The following BEND3 variants were observed in gnomAD, a reference collection of about 807,000 sequenced individuals.
BEND3 encodes BEN domain containing 3.
A neutral mutation model predicts 60.1 loss-of-function variants in BEND3; 13 were observed. The ratio of observed to expected loss-of-function variants is 0.22; its 90% CI spans 0.14 to 0.34. The LOEUF (loss-of-function observed/expected upper bound fraction) is 0.34. Among genes scored for constraint, BEND3 ranks in the 10% least tolerant of loss-of-function variants. The pLI, the probability that BEND3 is intolerant of heterozygous loss-of-function variation, is 1.00. For missense variants in BEND3, 896 were observed against 1,138.1 expected (o/e 0.79, Z 3.06); for synonymous variants, 497 against 491.5 (o/e 1.01, Z -0.15).
In BEND3 at chr6:107,069,899, T is replaced by C. The variant is rs1774928945; in HGVS notation, c.1292A>G (p.Gln431Arg). ...ELFDHRKLGE[Q>R]YSCYGDGGKQ... ...TCCACCGTCCCCGTAGCAGCTGTACTGTTCACCCAGCTTGCGGTGGTCGAA... is the reference window on the plus strand; with the variant it reads ...TCCACCGTCCCCGTAGCAGCTGTACCGTTCACCCAGCTTGCGGTGGTCGAA... Residue 431 changes from glutamine (Q) to arginine (R), a missense_variant, in exon 4 of 4, where the codon CAG (glutamine) becomes CGG (arginine). Physicochemically the swap from Gln to Arg is conservative, Grantham distance 43. Coordinates refer to ENST00000369042, the MANE Select transcript of BEND3 (RefSeq NM_001367314.1). 1.9e-6 allele frequency: 3 copies of C among 1,613,758 alleles called. No individual in the cohort carries two copies. The highest frequency in any genetic ancestry group is 1.7e-5 in the Admixed American group (1 of 59,992).
At chr6:107,073,236 T>C (rs1775026495) in intron 3 of BEND3, among the ~76,000 whole-genome samples, 1 of 18,974 alleles carries the variant, frequency 5.3e-5, no homozygotes, top group African/African-American at 1.2e-4. Context: ...TATATATATA[T>C]ATATATATAT....
chr6:107,113,462 A>C (rs972563244), intron 1 of BEND3, among the ~76,000 whole-genome samples: 33 of 144,066 alleles, frequency 2.3e-4, no homozygotes, highest in African/African-American at 6.5e-4. Context: ...AACAAAAAAA[A>C]AACTCATGTT....
At chr6:107,081,671 T>A (rs1554233574) in intron 3 of BEND3, among the ~76,000 whole-genome samples, 1 of 152,162 alleles carries the variant, frequency 6.6e-6, no homozygotes, top group Non-Finnish European at 1.5e-5. Context: ...CGCCAATGCA[T>A]TTTTGGTTTT....
chr6:107,082,092 G>T (rs528864082), intron 3 of BEND3, among the ~76,000 whole-genome samples: 1 of 152,218 alleles, frequency 6.6e-6, no homozygotes, highest in South Asian at 2.1e-4. Context: ...ATCAACAGGA[G>T]ACAGAGTCTA....
chr6:107,078,493 C>T lies in BEND3; in HGVS notation c.241-7543G>A, dbSNP rs118140836. Among the ~76,000 whole-genome samples, 490 of 148,164 alleles carry T rather than the reference C, an allele frequency of 3.3e-3. 11 individuals carry two copies. In the East Asian group the frequency reaches 0.055, roughly 17 times the overall value. On this transcript the variant is annotated intron_variant, in intron 3 of 3. Coordinates refer to ENST00000369042, the MANE Select transcript of BEND3 (RefSeq NM_001367314.1). ...TCTTTTTGAGACAGAGTCTCACTGT[C>T]ACCCAGGCTGGAGTGCAGTGGTGCA... is the stretch of plus-strand genomic sequence containing the variant.
Position 107,098,713 on chromosome 6 carries a change from T to G in BEND3, c.78A>C (p.Glu26Asp), listed in dbSNP as rs542557786. Residue 26 changes from glutamate (E) to aspartate (D), a missense_variant, in exon 3 of 4, where the codon GAA (glutamate) becomes GAC (aspartate). Coordinates refer to ENST00000369042, the MANE Select transcript of BEND3 (RefSeq NM_001367314.1). Reference sequence around the variant, plus strand: ...TCACGGAGCAGTCCAGAGCAGCATCTTCAGCCTCTGTCTCCACTTTCACAG... The same window carrying G: ...TCACGGAGCAGTCCAGAGCAGCATCGTCAGCCTCTGTCTCCACTTTCACAG... ...SITVKVETEAEDAALDCSVNS... is the reference protein window; with the variant it reads ...SITVKVETEADDAALDCSVNS... 1.4e-5 allele frequency: 23 copies of G among 1,614,132 alleles called. No homozygotes were observed. In the South Asian group the frequency reaches 2.3e-4, roughly 16 times the overall value.
In BEND3 at chr6:107,069,988, C is replaced by A; in HGVS notation, c.1203G>T (p.Leu401=). 1 of 1,613,734 alleles carries A rather than the reference C, an allele frequency of 6.2e-7. No individual in the cohort carries two copies. The highest frequency in any genetic ancestry group is 8.5e-7 in the Non-Finnish European group (1 of 1,180,002). ...ACTCGCCTGGTGAGGAGGCTTCGTC[C>A]AGGAACTCAGTGAGGTCCTGCGTGT... ...VVDTQDLTEF[L]DEASSPGEFA... The change falls in exon 4 of 4, where the codon CTG becomes CTT. Residue 401 remains leucine, a synonymous_variant. Transcript: ENST00000369042.
chr6:107,088,007 C>CTT (rs374298071), intron 3 of BEND3, among the ~76,000 whole-genome samples: 58 of 130,302 alleles, frequency 4.5e-4, no homozygotes, highest in South Asian at 1.8e-3. Flanking sequence ...ATGAAGAGCC[C>CTT]TTTTTTTTTT....
Position 107,099,324 on chromosome 6 carries a change from T to C in BEND3, c.-11-28A>G, listed in dbSNP as rs375418342. On this transcript the variant is annotated intron_variant, in intron 1 of 3. Coordinates refer to ENST00000369042, the MANE Select transcript of BEND3 (RefSeq NM_001367314.1). ...AAATAAAAAGACAAAGACAATGTGTTGACTTATTGCTTGATTTATTTCTTA... is the reference window on the plus strand; with the variant it reads ...AAATAAAAAGACAAAGACAATGTGTCGACTTATTGCTTGATTTATTTCTTA... 31 of 1,573,810 alleles carry C rather than the reference T, an allele frequency of 2.0e-5. No homozygotes were observed. The African/African-American group carries it at 3.5e-4, about 18-fold the overall frequency.
At chr6:107,080,375 A>AC in intron 3 of BEND3, among the ~76,000 whole-genome samples, 1 of 140,446 alleles carries the variant, frequency 7.1e-6, no homozygotes, top group Non-Finnish European at 1.5e-5. Context: ...AAAAAAAAAA[A>AC]AACAAAAAAC....
chr6:107,078,230 G>C (rs1297985943), intron 3 of BEND3, among the ~76,000 whole-genome samples: 1 of 152,090 alleles, frequency 6.6e-6, no homozygotes, highest in African/African-American at 2.4e-5. Flanking sequence ...CATGCTGTTA[G>C]CATCAGGGCT....
intron 3 of BEND3, among the ~76,000 whole-genome samples, chr6:107,076,683 G>A (rs1046988791): frequency 5.3e-5 from 8 of 152,280 alleles, no homozygotes; most frequent in Non-Finnish European, 1.0e-4. Flanking sequence ...GAGTCAGCAC[G>A]CTGGAACACT....
chr6:107,066,253 A>T lies in BEND3; in HGVS notation c.*2451T>A, dbSNP rs560818103. The T allele has an allele frequency of 1.3e-5, 2 of 152,346 alleles. No homozygotes were observed. The highest frequency in any genetic ancestry group is 3.9e-4 in the East Asian group (2 of 5,188). The allele number at this position is 152,346 out of a possible 1,614,324, so 9.4% of individuals were successfully genotyped here. ...TATTGCTTCATGTAAAAAATTTAAA[A>T]TAAAAAAATGCCCACTGGAGCCACC... On this transcript the variant is annotated 3_prime_UTR_variant, in exon 4 of 4. Transcript: ENST00000369042.
At chr6:107,105,020 G>T (rs1775783144) in intron 1 of BEND3, among the ~76,000 whole-genome samples, 1 of 152,098 alleles carries the variant, frequency 6.6e-6, no homozygotes, top group African/African-American at 2.4e-5. Context: ...ATGTGGCGGG[G>T]CTGACTGTAC....
chr6:107,114,955 G>GC (rs1223633142), intron 1 of BEND3, 135 bp downstream of exon 1: 7 of 146,108 alleles, frequency 4.8e-5, no homozygotes, highest in African/African-American at 1.2e-4. Context: ...GCTCGGAGCA[G>GC]CCCCCCTCCG....
rs549910261 is a variant in BEND3 at position 107,113,669 on chromosome 6, G to T, written c.-12+1421C>A. 9.0e-4 allele frequency among the ~76,000 whole-genome samples: 137 copies of T among 152,198 alleles called. 2 individuals are homozygous for T. The Middle Eastern group carries it at 0.01, about 11-fold the overall frequency. On this transcript the variant is annotated intron_variant, in intron 1 of 3. Transcript: ENST00000369042. ...AGGCTGGGGATGTGAAACTGTGAGG[G>T]AGATAAAAAATCTTGCCCAAGTCCC...
At chr6:107,080,087 T>C (rs1775193710) in intron 3 of BEND3, among the ~76,000 whole-genome samples, 5 of 152,000 alleles carry the variant, frequency 3.3e-5, no homozygotes. Context: ...CTGTCTTTAA[T>C]GAAAGTGCTT....
chr6:107,099,089 A>ATTG (rs1775650492), intron 2 of BEND3, among the ~76,000 whole-genome samples, 160 bp downstream of exon 2: 1 of 152,026 alleles, frequency 6.6e-6, no homozygotes, highest in African/African-American at 2.4e-5. Context: ...TGCTTATAAC[A>ATTG]AGTGTGTGGG....
chr6:107,099,168 A>G (rs1775652119), intron 2 of BEND3, 81 bp downstream of exon 2: 1 of 1,187,328 alleles, frequency 8.4e-7, no homozygotes, highest in African/African-American at 1.5e-5. Context: ...AACTTTGTAT[A>G]TTTTTGGACC....
Sources: gnomAD v4.1 joint callset for allele counts (sites outside exome capture counted in the v4.1 genomes callset) on GRCh38, gnomAD v4.1.1 for gene constraint, MANE v1.5 for transcripts, NCBI Gene and HGNC (gene_info 2026-07-23, HGNC 2026-07-21) for gene names.